CDH4: variants seen among roughly 807,000 people sequenced by gnomAD.
CDH4 encodes the protein cadherin 4, also known as cadherin-4.
In CDH4, 33 loss-of-function variants were observed where a neutral mutation model predicts 86.0. The ratio of observed to expected loss-of-function variants is 0.38; its 90% confidence interval spans 0.29 to 0.51. CDH4 has a LOEUF of 0.51. Ranked by LOEUF, CDH4 falls within the 20% of genes least tolerant of loss-of-function variation. CDH4 has a pLI of 0.86. For missense variants in CDH4, 1,114 were observed against 1,307.4 expected (o/e 0.85, Z 2.28); for synonymous variants, 555 against 549.4 (o/e 1.01, Z -0.14).
At chr20:61,882,582 C>T (rs983352792) in intron 7 of CDH4, among the ~76,000 whole-genome samples, 8 of 152,314 alleles carry the variant, frequency 5.3e-5, no homozygotes, top group East Asian at 1.9e-4. Flanking sequence ...GCCCCTGGCC[C>T]GGGGGGTGCA....
chr20:61,650,413 G>A (rs563848719), intron 2 of CDH4, among the ~76,000 whole-genome samples: 1 of 152,272 alleles, frequency 6.6e-6, no homozygotes, highest in East Asian at 1.9e-4. Flanking sequence ...TTCTCTAATG[G>A]GCTGTATGTT....
chr20:61,501,587 C>T lies in CDH4; in HGVS notation c.170-241976C>T, dbSNP rs374502505. Among the ~76,000 whole-genome samples, 20 of 152,140 alleles carry T rather than the reference C, an allele frequency of 1.3e-4. No individual in the cohort carries two copies. The highest frequency in any genetic ancestry group is 4.3e-4 in the African/African-American group (18 of 41,418). The stretch of plus-strand genomic sequence containing the variant: ...CCTTTGGGCCTGCATCTCTGCGGCC[C>T]GGAGACGCTGACTCCAGTTGCCTAA... On this transcript the variant is annotated intron_variant, in intron 2 of 15. Coordinates refer to ENST00000614565, the MANE Select transcript of CDH4 (RefSeq NM_001794.5). This position sits in a 1 kb window ranked among gnomAD's most constrained non-coding sequence, Gnocchi z 4.2.
intron 8 of CDH4, among the ~76,000 whole-genome samples, chr20:61,899,461 T>C (rs1279202159): frequency 6.6e-6 from 1 of 152,192 alleles, no homozygotes; most frequent in African/African-American, 2.4e-5. Context: ...AGAGTCTCGC[T>C]CTGTCGCCCA....
At position 61,733,907 on chromosome 20, in the gene CDH4, T is replaced by C. The variant is rs1340173352; in HGVS notation, c.170-9656T>C. 2.0e-5 allele frequency among the ~76,000 whole-genome samples: 3 copies of C among 152,358 alleles called. No individual in the cohort carries two copies. The East Asian group carries it at 5.8e-4, about 29-fold the overall frequency. On this transcript the variant is annotated intron_variant, in intron 2 of 15. Coordinates refer to ENST00000614565, the MANE Select transcript of CDH4 (RefSeq NM_001794.5). ...TTTTGTAACTGCAGCACCATTCTCC[T>C]GCATGCCCGTCTTGGGGAGACACAG...
At position 61,879,869 on chromosome 20, in the gene CDH4, C is replaced by T. The variant is rs186155957; in HGVS notation, c.1050+5969C>T. Among the ~76,000 whole-genome samples the T allele has an allele frequency of 2.6e-3, 391 of 152,244 alleles. 1 individual carries two copies. Among genetic ancestry groups the T allele is most frequent in the Non-Finnish European group, 4.4e-3 (298 of 68,010 alleles). On this transcript the variant is annotated intron_variant, in intron 7 of 15. Transcript: ENST00000614565. The surrounding 1 kb of genome is among the most constrained non-coding windows in gnomAD (Gnocchi z 4.1). ...TGATTTTGTTATTAGAAACTGAATC[C>T]GGCCTTCCGGTCCTATCACAAGAGG... is the stretch of plus-strand genomic sequence containing the variant.
chr20:61,789,576 G>C (rs1016583805), intron 4 of CDH4, among the ~76,000 whole-genome samples: 2 of 152,282 alleles, frequency 1.3e-5, no homozygotes, highest in Middle Eastern at 3.4e-3. Context: ...CACACATAAG[G>C]CACATCAGGG....
chr20:61,737,347 C>T (rs1295211932), intron 2 of CDH4, among the ~76,000 whole-genome samples: 2 of 152,132 alleles, frequency 1.3e-5, no homozygotes, highest in Non-Finnish European at 2.9e-5. Context: ...GACCCCACAC[C>T]TTGGGGTGAG....
chr20:61,446,322 TA>T (rs1244418535), intron 2 of CDH4, among the ~76,000 whole-genome samples: 2 of 152,348 alleles, frequency 1.3e-5, no homozygotes, highest in Middle Eastern at 3.4e-3. Context: ...AAAATGTACA[TA>T]AATACTTGAT....
At chr20:61,432,473 A>G (rs2085253254) in intron 2 of CDH4, among the ~76,000 whole-genome samples, 2 of 152,100 alleles carry the variant, frequency 1.3e-5, no homozygotes, top group Admixed American at 1.3e-4. Context: ...TTTAACCATT[A>G]TTCAATTGTA....
At chr20:61,741,982 C>T (rs1316801417) in intron 2 of CDH4, among the ~76,000 whole-genome samples, 1 of 152,200 alleles carries the variant, frequency 6.6e-6, no homozygotes, top group Non-Finnish European at 1.5e-5. Flanking sequence ...GCTCATCTCT[C>T]AGCAATCACA....
chr20:61,474,403 G>A (rs1350903192), intron 2 of CDH4, among the ~76,000 whole-genome samples: 1 of 146,278 alleles, frequency 6.8e-6, no homozygotes, highest in Non-Finnish European at 1.5e-5. Context: ...TAAAACTCCT[G>A]ACCTCAGGCA....
intron 2 of CDH4, among the ~76,000 whole-genome samples, chr20:61,484,676 G>T (rs1342232514): frequency 6.6e-6 from 1 of 152,224 alleles, no homozygotes; most frequent in Non-Finnish European, 1.5e-5. Context: ...CTGGGGAGAA[G>T]GTACCTGTGT....
chr20:61,604,558 C>T (rs1008588245), intron 2 of CDH4, among the ~76,000 whole-genome samples: 1 of 151,884 alleles, frequency 6.6e-6, no homozygotes, highest in Admixed American at 6.5e-5. Context: ...AAATCATCTC[C>T]CCACCTCGTG....
At chr20:61,839,710 C>T (rs1035218121) in intron 4 of CDH4, among the ~76,000 whole-genome samples, 46 of 144,852 alleles carry the variant, frequency 3.2e-4, no homozygotes, top group African/African-American at 1.1e-3. Context: ...TTTGTTTATG[C>T]GTTTGTGTAT....
At chr20:61,339,559 G>A (rs760326750) in intron 2 of CDH4, among the ~76,000 whole-genome samples, 7 of 152,032 alleles carry the variant, frequency 4.6e-5, no homozygotes, top group Non-Finnish European at 1.0e-4. Context: ...TGAAGAGATC[G>A]TACATACTTT....
intron 2 of CDH4, among the ~76,000 whole-genome samples, chr20:61,375,952 GTCATAGCAC>G (rs1568819236): frequency 1.2e-5 from 1 of 82,478 alleles, no homozygotes. Context: ...GCTGGTGGTG[GTCATAGCAC>G]TGGTGGTGAT....
intron 2 of CDH4, among the ~76,000 whole-genome samples, chr20:61,638,665 T>A (rs554229466): frequency 1.3e-5 from 2 of 152,288 alleles, no homozygotes; most frequent in South Asian, 4.1e-4. Context: ...ACGTAAACCT[T>A]TCCTTTCTTC....
chr20:61,883,949 C>A (rs531392343), intron 7 of CDH4, among the ~76,000 whole-genome samples: 11 of 152,170 alleles, frequency 7.2e-5, no homozygotes, highest in African/African-American at 7.2e-5. Flanking sequence ...CCCCAACCCC[C>A]GTGTGGTGGG....
intron 2 of CDH4, among the ~76,000 whole-genome samples, chr20:61,484,739 C>G (rs1227759176): frequency 6.6e-6 from 1 of 151,538 alleles, no homozygotes; most frequent in East Asian, 1.9e-4. Context: ...CATGACCCTT[C>G]ACACCTGAAC....
Sources: allele counts gnomAD v4.1 joint callset (sites outside exome capture counted in the v4.1 genomes callset), GRCh38; gene constraint gnomAD v4.1.1; non-coding constraint Gnocchi (gnomAD v3.1); transcripts MANE v1.5; gene names NCBI Gene and HGNC (gene_info 2026-07-23, HGNC 2026-07-21).